Variants in C1QTNF3 observed in about 807,000 individuals in gnomAD.
C1QTNF3 encodes C1q and TNF related 3.
Under a neutral mutation model 32.6 loss-of-function variants are expected in C1QTNF3, and 26 were observed. That is an observed-to-expected ratio of 0.80 (90% CI 0.58 to 1.11). The LOEUF (loss-of-function observed/expected upper bound fraction) is 1.11. Among genes scored for constraint, C1QTNF3 ranks in the 50% least tolerant of loss-of-function variants. C1QTNF3 has a pLI of 0.00. For synonymous variants in C1QTNF3, 155 were observed against 146.0 expected, an observed-to-expected ratio of 1.06 and a Z score of -0.44; for missense variants, 362 against 398.2, an observed-to-expected ratio of 0.91 and a Z score of 0.77.
At chr5:34,024,048 G>GGA in intron 4 of C1QTNF3, 40 bp from the exon 5 acceptor site, 1 of 1,519,520 alleles carries the variant, frequency 6.6e-7, no homozygotes, top group Non-Finnish European at 9.1e-7. Context: ...ATATTAACAT[G>GGA]TTATACATTG....
At chr5:34,052,299 C>G in the C1QTNF3 span, among the ~76,000 whole-genome samples, 7 of 152,272 alleles carry the variant, frequency 4.6e-5, no homozygotes, top group African/African-American at 1.7e-4. Context: ...ACTAAAATGT[C>G]ATCTTTGCAG....
At chr5:34,118,502 T>C in the C1QTNF3 span, among the ~76,000 whole-genome samples, 57 of 152,322 alleles carry the variant, frequency 3.7e-4, no homozygotes, top group African/African-American at 1.3e-3. Flanking sequence ...TATCTGGGAA[T>C]GTCTTTCTTT....
the C1QTNF3 span, among the ~76,000 whole-genome samples, chr5:34,202,149 G>A: frequency 6.6e-6 from 1 of 152,020 alleles, no homozygotes; most frequent in African/African-American, 2.4e-5. Flanking sequence ...CTAGCTCAAG[G>A]GAAGCTGCAT....
At chr5:34,162,350 C>G in the C1QTNF3 span, among the ~76,000 whole-genome samples, 1 of 152,082 alleles carries the variant, frequency 6.6e-6, no homozygotes, top group Non-Finnish European at 1.5e-5. Context: ...CTAACCCACT[C>G]CAAGGAAAAT....
intron 1 of C1QTNF3, among the ~76,000 whole-genome samples, chr5:34,039,632 G>A (rs1020259821): frequency 2.6e-5 from 4 of 152,140 alleles, no homozygotes; most frequent in South Asian, 4.1e-4. Flanking sequence ...ATCCCCATGC[G>A]GTATGTGTGT....
At chr5:34,220,605 ACTTT>A in the C1QTNF3 span, among the ~76,000 whole-genome samples, 1,672 of 152,122 alleles carry the variant, frequency 0.011, 35 homozygotes, top group African/African-American at 0.038. Context: ...CAACTTGTGT[ACTTT>A]CTAAGTATGG....
At chr5:34,091,157 C>T in the C1QTNF3 span, among the ~76,000 whole-genome samples, 4 of 152,110 alleles carry the variant, frequency 2.6e-5, no homozygotes, top group Non-Finnish European at 4.4e-5. Flanking sequence ...TGACCTACCC[C>T]GCTTTGATAG....
chr5:34,139,138 A>G, the C1QTNF3 span, among the ~76,000 whole-genome samples: 15 of 152,108 alleles, frequency 9.9e-5, no homozygotes, highest in East Asian at 2.9e-3. Context: ...TTCATAATAT[A>G]TAAGCATATG....
the C1QTNF3 span, among the ~76,000 whole-genome samples, chr5:34,225,489 T>C: frequency 6.6e-6 from 1 of 152,044 alleles, no homozygotes; most frequent in Non-Finnish European, 1.5e-5. Context: ...TAATATGTAT[T>C]TTAATAAACT....
the C1QTNF3 span, among the ~76,000 whole-genome samples, chr5:34,121,703 T>A: frequency 1.3e-5 from 2 of 152,108 alleles, no homozygotes; most frequent in East Asian, 1.9e-4. Context: ...AAAAATGATA[T>A]TTTACCTGTT....
the C1QTNF3 span, among the ~76,000 whole-genome samples, chr5:34,195,005 C>T: frequency 6.6e-6 from 1 of 152,094 alleles, no homozygotes; most frequent in African/African-American, 2.4e-5. Context: ...GTTGGCTTAA[C>T]AGATGTAGAA....
At chr5:34,047,634 C>T (rs1012654072), upstream of C1QTNF3, among the ~76,000 whole-genome samples, 2 of 152,222 alleles carry the variant, frequency 1.3e-5, no homozygotes, top group African/African-American at 2.4e-5. Context: ...ACTCCCCGTA[C>T]TAAGCACAGT....
the C1QTNF3 span, among the ~76,000 whole-genome samples, chr5:34,236,598 A>C: frequency 2.6e-5 from 1 of 38,016 alleles, no homozygotes; most frequent in African/African-American, 9.6e-5. Context: ...TTTTTTGAGG[A>C]GTTTCACTGT....
At chr5:34,085,943 A>T in the C1QTNF3 span, among the ~76,000 whole-genome samples, 1 of 150,916 alleles carries the variant, frequency 6.6e-6, no homozygotes, top group Admixed American at 6.6e-5. Context: ...TACTGGGTAC[A>T]TACCCAAAGG....
the C1QTNF3 span, among the ~76,000 whole-genome samples, chr5:34,145,736 A>C: frequency 6.6e-6 from 1 of 151,912 alleles, no homozygotes; most frequent in Non-Finnish European, 1.5e-5. Context: ...CCTGATGAAC[A>C]TAGCCATAAA....
At chr5:34,224,383 G>A in the C1QTNF3 span, among the ~76,000 whole-genome samples, 47 of 152,182 alleles carry the variant, frequency 3.1e-4, no homozygotes, top group Admixed American at 1.6e-3. Context: ...GAGGCATCAC[G>A]CTACCTGACT....
the C1QTNF3 span, among the ~76,000 whole-genome samples, chr5:34,156,089 G>C: frequency 6.6e-6 from 1 of 152,024 alleles, no homozygotes; most frequent in East Asian, 1.9e-4. Flanking sequence ...TTTATTTTTT[G>C]CAACAGAATC....
the C1QTNF3 span, among the ~76,000 whole-genome samples, chr5:34,103,455 T>C: frequency 2.0e-5 from 3 of 151,268 alleles, no homozygotes; most frequent in Non-Finnish European, 2.9e-5. Context: ...GTTTCTTCTA[T>C]CATTTTTGTT....
the C1QTNF3 span, among the ~76,000 whole-genome samples, chr5:34,131,938 A>C: frequency 1.3e-5 from 2 of 152,232 alleles, no homozygotes; most frequent in African/African-American, 4.8e-5. Context: ...AAGAAAAAAT[A>C]CAAAACATTA....
Sources: allele counts gnomAD v4.1 joint callset (sites outside exome capture counted in the v4.1 genomes callset), GRCh38; gene constraint gnomAD v4.1.1; transcripts MANE v1.5; gene names NCBI Gene and HGNC (gene_info 2026-07-23, HGNC 2026-07-21).